The following CDH18 variants were observed in gnomAD, a reference collection of about 807,000 sequenced individuals.
CDH18 encodes cadherin-18.
In CDH18, 31 loss-of-function variants were observed where a neutral mutation model predicts 67.9. The observed-to-expected ratio is 0.46, with a 90% CI of 0.34 to 0.62. The LOEUF (loss-of-function observed/expected upper bound fraction) is 0.62. CDH18 is among the 20% of genes least tolerant of loss of function. CDH18 has a pLI of 0.01. For synonymous variants in CDH18, 362 were observed against 347.2 expected, an observed-to-expected ratio of 1.04 and a Z score of -0.48; for missense variants, 890 against 975.5, an observed-to-expected ratio of 0.91 and a Z score of 1.17.
chr5:19,565,718 A>T (rs554773711), intron 8 of CDH18, among the ~76,000 whole-genome samples: 1 of 152,326 alleles, frequency 6.6e-6, no homozygotes, highest in Admixed American at 6.5e-5. Flanking sequence ...TGCAAAAATC[A>T]ATTCAAAATG....
intron 2 of CDH18, among the ~76,000 whole-genome samples, chr5:19,860,268 T>C (rs1361897884): frequency 6.6e-6 from 1 of 152,144 alleles, no homozygotes; most frequent in African/African-American, 2.4e-5. Context: ...GCATCCAGTG[T>C]TGCTAATATG....
intron 3 of CDH18, among the ~76,000 whole-genome samples, chr5:19,785,679 AATATATATAT>A (rs869169879): frequency 0.018 from 492 of 28,012 alleles, 5 homozygotes; most frequent in South Asian, 0.027. Context: ...AAAAAAAAAA[AATATATATAT>A]ATATATATAT....
chr5:19,829,319 T>C (rs1581539408), intron 3 of CDH18, among the ~76,000 whole-genome samples: 1 of 152,168 alleles, frequency 6.6e-6, no homozygotes, highest in Non-Finnish European at 1.5e-5. Flanking sequence ...AACCCTATAG[T>C]CTTTGTCTAA....
intron 2 of CDH18, among the ~76,000 whole-genome samples, chr5:20,041,808 A>G (rs551856767): frequency 2.0e-5 from 3 of 152,358 alleles, no homozygotes; most frequent in Non-Finnish European, 4.4e-5. Flanking sequence ...TACATTAAAC[A>G]GCATTTTACA....
chr5:19,833,983 T>C (rs1042250437), intron 3 of CDH18, among the ~76,000 whole-genome samples: 2 of 152,102 alleles, frequency 1.3e-5, no homozygotes, highest in Non-Finnish European at 2.9e-5. Flanking sequence ...AAGATTTTTT[T>C]GTTGTTGTGT....
At chr5:20,429,174 T>C (rs1237403792) in intron 1 of CDH18, among the ~76,000 whole-genome samples, 1 of 152,092 alleles carries the variant, frequency 6.6e-6, no homozygotes, top group Non-Finnish European at 1.5e-5. Flanking sequence ...CCATTCAAAA[T>C]TCCAGTAGAA....
chr5:20,096,466 A>C (rs1278972509), intron 2 of CDH18, among the ~76,000 whole-genome samples: 1 of 152,116 alleles, frequency 6.6e-6, no homozygotes, highest in Non-Finnish European at 1.5e-5. Context: ...ATGAAGAAAA[A>C]AGGAAAGTGT....
chr5:19,778,792 C>A (rs1013316298), intron 3 of CDH18, among the ~76,000 whole-genome samples: 1 of 152,134 alleles, frequency 6.6e-6, no homozygotes, highest in Non-Finnish European at 1.5e-5. Flanking sequence ...AATTGGATAG[C>A]CAATAGGAGC....
chr5:20,170,983 T>C (rs1453146963), intron 2 of CDH18, among the ~76,000 whole-genome samples: 1 of 152,110 alleles, frequency 6.6e-6, no homozygotes, highest in Admixed American at 6.6e-5. Context: ...CTGCATTAGT[T>C]TGCTAAGGAT....
At chr5:20,548,025 T>C (rs916664681) in intron 1 of CDH18, among the ~76,000 whole-genome samples, 1 of 149,302 alleles carries the variant, frequency 6.7e-6, no homozygotes, top group African/African-American at 2.5e-5. Flanking sequence ...AAATATATAA[T>C]ACTGATTTAA....
At chr5:20,340,107 T>G (rs1478467693) in intron 1 of CDH18, among the ~76,000 whole-genome samples, 1 of 152,136 alleles carries the variant, frequency 6.6e-6, no homozygotes, top group East Asian at 1.9e-4. Flanking sequence ...CTCCAAACTA[T>G]CTATGATAGA....
At chr5:20,214,690 T>C (rs1170468718) in intron 2 of CDH18, among the ~76,000 whole-genome samples, 1 of 151,878 alleles carries the variant, frequency 6.6e-6, no homozygotes, top group African/African-American at 2.4e-5. Context: ...AAAAATCAAC[T>C]CAAGATAGAT....
chr5:19,511,146 C>T (rs775249601), intron 10 of CDH18, among the ~76,000 whole-genome samples: 1 of 152,066 alleles, frequency 6.6e-6, no homozygotes, highest in Non-Finnish European at 1.5e-5. Flanking sequence ...CATCCCCCAT[C>T]TCTCAGCACT....
At chr5:20,016,490 T>C (rs3112489) in intron 2 of CDH18, among the ~76,000 whole-genome samples, 16,640 of 152,022 alleles carry the variant, frequency 0.11, 2,504 homozygotes, top group African/African-American at 0.34. Flanking sequence ...GAAAATAAAA[T>C]GTGAGAAAAA....
chr5:19,801,780 C>A (rs1777499671), intron 3 of CDH18, among the ~76,000 whole-genome samples: 1 of 152,146 alleles, frequency 6.6e-6, no homozygotes, highest in Non-Finnish European at 1.5e-5. Flanking sequence ...AACTTACATG[C>A]AAATTAACAG....
intron 2 of CDH18, among the ~76,000 whole-genome samples, chr5:19,971,197 T>C (rs1337240186): frequency 2.0e-5 from 3 of 151,962 alleles, no homozygotes; most frequent in Non-Finnish European, 4.4e-5. Context: ...ATATTCAGAA[T>C]ATATAATAGA....
intron 1 of CDH18, among the ~76,000 whole-genome samples, chr5:20,431,127 G>T (rs1339251066): frequency 6.6e-6 from 1 of 152,080 alleles, no homozygotes; most frequent in Non-Finnish European, 1.5e-5. Flanking sequence ...AGAAGTCTCT[G>T]ACAATCTCAG....
At position 19,721,334 on chromosome 5, in the gene CDH18, T is replaced by C; in HGVS notation, c.643+13A>G. On this transcript the variant is annotated intron_variant, in intron 5 of 12. Transcript: ENST00000382275. The stretch of plus-strand genomic sequence containing the variant: ...CAAACGCTTGCATGCGAGTTATGTG[T>C]AAATGCACTAACCTGTTTTAGGGTC... 1 of 1,580,584 alleles carries C rather than the reference T, an allele frequency of 6.3e-7. No homozygotes were observed. Among genetic ancestry groups the C allele is most frequent in the Non-Finnish European group, 8.6e-7 (1 of 1,158,304 alleles).
intron 2 of CDH18, among the ~76,000 whole-genome samples, chr5:20,167,835 A>G (rs1736411046): frequency 6.6e-6 from 1 of 152,178 alleles, no homozygotes; most frequent in Non-Finnish European, 1.5e-5. Flanking sequence ...TTGGACCTCA[A>G]TCTACTTTCT....
Sources: allele counts gnomAD v4.1 joint callset (sites outside exome capture counted in the v4.1 genomes callset), GRCh38; gene constraint gnomAD v4.1.1; transcripts MANE v1.5; gene names NCBI Gene and HGNC (gene_info 2026-07-23, HGNC 2026-07-21).